MBTD1: variants seen among roughly 807,000 people sequenced by gnomAD.
MBTD1 encodes the protein mbt domain containing 1.
In MBTD1, 24 loss-of-function variants were observed where a neutral mutation model predicts 87.8. The observed-to-expected ratio is 0.27, with a 90% CI of 0.20 to 0.38. MBTD1 has a LOEUF of 0.38. Among genes scored for constraint, MBTD1 ranks in the 10% least tolerant of loss-of-function variants. The probability of loss-of-function intolerance (pLI) is 1.00; values close to 1 mark genes in which losing one functional copy is unlikely to be tolerated. For synonymous variants in MBTD1, 237 were observed against 248.6 expected (o/e 0.95, Z 0.44); for missense variants, 436 against 760.2 (o/e 0.57, Z 5.02).
intron 3 of MBTD1, among the ~76,000 whole-genome samples, chr17:51,223,827 C>G (rs1568201674): frequency 1.3e-5 from 2 of 152,120 alleles, no homozygotes; most frequent in Admixed American, 1.3e-4. Flanking sequence ...CAGAGTGAGA[C>G]TGTCTCAACA....
chr17:51,217,643 C>A (rs968500840), intron 5 of MBTD1, among the ~76,000 whole-genome samples: 1 of 152,316 alleles, frequency 6.6e-6, no homozygotes. Context: ...GAGTCTCCCT[C>A]TGACACCTAG....
rs1598264432 is a variant in MBTD1 at position 51,180,048 on chromosome 17, A to C, written c.*528T>G. On this transcript the variant is annotated 3_prime_UTR_variant, in exon 17 of 17. Transcript: ENST00000586178. The stretch of plus-strand genomic sequence containing the variant: ...TAAAATGCCAACAAGAGAAATAATG[A>C]CCCTTCCATGACCTTTGTGGTGATG... 1.3e-5 allele frequency: 2 copies of C among 152,282 alleles called. No homozygotes were observed. The highest frequency in any genetic ancestry group is 4.1e-4 in the South Asian group (2 of 4,826). The allele number at this position is 152,282 out of a possible 1,614,324, so 9.4% of individuals were successfully genotyped here. A position where few individuals can be genotyped will look rare whatever the true frequency, so the allele number is the denominator to read the frequency against.
intron 2 of MBTD1, among the ~76,000 whole-genome samples, chr17:51,226,023 C>T (rs776242354): frequency 6.6e-6 from 1 of 150,606 alleles, no homozygotes; most frequent in Non-Finnish European, 1.5e-5. Flanking sequence ...AGGTGATCCG[C>T]CCACCTCGGC....
intron 6 of MBTD1, among the ~76,000 whole-genome samples, chr17:51,213,668 C>A (rs1023837183): frequency 1.3e-5 from 2 of 152,038 alleles, no homozygotes; most frequent in African/African-American, 4.8e-5. Context: ...CTAGCTGAAC[C>A]AGATGATTTT....
At chr17:51,196,479 C>T (rs2051112645) in intron 12 of MBTD1, among the ~76,000 whole-genome samples, 1 of 152,056 alleles carries the variant, frequency 6.6e-6, no homozygotes, top group Admixed American at 6.6e-5. Context: ...CCACCTTGGC[C>T]AGGCTGCCCC....
rs1052851551 is a variant in MBTD1, at chr17:51,226,386, C to T, written c.-48-1177G>A. Among the ~76,000 whole-genome samples the T allele has an allele frequency of 4.0e-5, 6 of 151,026 alleles. No individual in the cohort carries two copies. In the South Asian group the frequency reaches 6.3e-4, roughly 16 times the overall value. On this transcript the variant is annotated intron_variant, in intron 2 of 16. Transcript: ENST00000586178. ...CAAAAATTAGCTGAGTGTGGTGGCA[C>T]GCATCTGTAGTCCCAGCTATGTGGG...
At chr17:51,258,550 T>C (rs1206127814) in intron 2 of MBTD1, among the ~76,000 whole-genome samples, 1 of 151,058 alleles carries the variant, frequency 6.6e-6, no homozygotes, top group Non-Finnish European at 1.5e-5. Context: ...GAGAGGCCCT[T>C]GGAGGAAAGA....
At chr17:51,226,627 T>C (rs2053234368) in intron 2 of MBTD1, among the ~76,000 whole-genome samples, 1 of 151,804 alleles carries the variant, frequency 6.6e-6, no homozygotes, top group Non-Finnish European at 1.5e-5. Context: ...AAAATATGGA[T>C]GCTTTTTTTC....
rs1042948220 is a variant in MBTD1 at position 51,235,954 on chromosome 17, A to C, written c.-48-10745T>G. Among the ~76,000 whole-genome samples the C allele has an allele frequency of 2.6e-5, 4 of 152,290 alleles. No individual in the cohort carries two copies. The South Asian group carries it at 6.2e-4, about 24-fold the overall frequency. Reference sequence around the variant, plus strand: ...GGGTTTTAGCATGAATATAGACAAAAAGATCAATGAAACAGAATAAGAGTC... The same window carrying C: ...GGGTTTTAGCATGAATATAGACAAACAGATCAATGAAACAGAATAAGAGTC... On this transcript the variant is annotated intron_variant, in intron 2 of 16. Coordinates refer to ENST00000586178, the MANE Select transcript of MBTD1 (RefSeq NM_017643.3).
chr17:51,237,045 C>G (rs1598406657), intron 2 of MBTD1, among the ~76,000 whole-genome samples: 1 of 151,986 alleles, frequency 6.6e-6, no homozygotes, highest in South Asian at 2.1e-4. Flanking sequence ...CGTCTGTAAT[C>G]CCAGCACCTG....
At chr17:51,256,565 A>C (rs2191443) in intron 2 of MBTD1, 94,523 of 152,014 alleles carry the variant, frequency 0.62, 29,949 homozygotes, top group African/African-American at 0.74. Flanking sequence ...AGAAGTGATT[A>C]TAATGATTAG....
chr17:51,260,745 C>A (rs377075898), upstream of MBTD1: 74 of 1,584,536 alleles, frequency 4.7e-5, 1 homozygote, highest in African/African-American at 9.0e-4. Flanking sequence ...CCGGCCCGGC[C>A]GAGCGCGGCG....
chr17:51,204,012 G>A (rs2143154350), intron 7 of MBTD1, 87 bp from the exon 8 acceptor site: 1 of 1,032,440 alleles, frequency 9.7e-7, no homozygotes, highest in Non-Finnish European at 1.4e-6. Flanking sequence ...TCAAACTAGT[G>A]TCTATCTGCA....
chr17:51,189,915 T>C (rs2050717494), intron 16 of MBTD1, among the ~76,000 whole-genome samples: 1 of 152,214 alleles, frequency 6.6e-6, no homozygotes, highest in Admixed American at 6.5e-5. Flanking sequence ...GTATCAGACC[T>C]GGCAAGCAGC....
chr17:51,246,076 T>C (rs1210138674), intron 2 of MBTD1, among the ~76,000 whole-genome samples: 1 of 152,222 alleles, frequency 6.6e-6, no homozygotes, highest in Non-Finnish European at 1.5e-5. Context: ...AGTAAATCCT[T>C]AGGAATTTAA....
At chr17:51,222,714 T>A (rs558342150) in intron 3 of MBTD1, among the ~76,000 whole-genome samples, 18 of 152,234 alleles carry the variant, frequency 1.2e-4, no homozygotes, top group African/African-American at 4.3e-4. Flanking sequence ...CAGGTAGGTT[T>A]TAACTGGAGG....
At chr17:51,224,209 T>A (rs538271904) in intron 3 of MBTD1, among the ~76,000 whole-genome samples, 2 of 152,312 alleles carry the variant, frequency 1.3e-5, no homozygotes, top group African/African-American at 4.8e-5. Flanking sequence ...TACTACCACA[T>A]AATCTGAAGT....
intron 13 of MBTD1, among the ~76,000 whole-genome samples, chr17:51,194,591 A>AAAAAAAG (rs1482531960): frequency 3.4e-5 from 5 of 149,052 alleles, no homozygotes; most frequent in African/African-American, 1.2e-4. Flanking sequence ...AAAAAAAAAA[A>AAAAAAAG]AGTCCACATG....
At position 51,225,152 on chromosome 17, in the gene MBTD1, C is replaced by G; in HGVS notation, c.10G>C (p.Gly4Arg). MFD[G>R]YDSCSEDTSS... ...GTGTCCTCACTGCAGCTATCATAAC[C>G]GTCAAACATCCCGAAAGAATCTCTT... Residue 4 changes from glycine to arginine, a missense_variant, in exon 3 of 17, where the codon GGT (glycine) becomes CGT (arginine). Around this residue, in one of 5 missense-constraint regions of MBTD1, gnomAD observed 38 missense variants for 33.8 expected, o/e 1.12. Transcript: ENST00000586178. 6.5e-7 allele frequency: 1 copy of G among 1,544,344 alleles called. No individual in the cohort carries two copies. Among genetic ancestry groups the G allele is most frequent in the South Asian group, 1.2e-5 (1 of 82,572 alleles).
Sources: gnomAD v4.1 joint callset for allele counts (sites outside exome capture counted in the v4.1 genomes callset) on GRCh38, gnomAD v4.1.1 for gene constraint, gnomAD v4.1.1 regional missense constraint, MANE v1.5 for transcripts, NCBI Gene and HGNC (gene_info 2026-07-23, HGNC 2026-07-21) for gene names.